The following DNM3 variants were observed in gnomAD, a reference collection of about 807,000 sequenced individuals.
The protein encoded by DNM3 is dynamin 3.
Under a neutral mutation model 101.6 loss-of-function variants are expected in DNM3, and 47 were observed. The ratio of observed to expected loss-of-function variants is 0.46; its 90% CI spans 0.37 to 0.59. DNM3 has a LOEUF of 0.59. DNM3 is among the 20% of genes least tolerant of loss of function. The pLI is 0.00. For synonymous variants in DNM3, 385 were observed against 387.9 expected, an observed-to-expected ratio of 0.99 and a Z score of 0.09; for missense variants, 849 against 1,085.7, an observed-to-expected ratio of 0.78 and a Z score of 3.06.
intron 2 of DNM3, among the ~76,000 whole-genome samples, chr1:171,932,134 C>G (rs1227715874): frequency 1.4e-5 from 2 of 144,012 alleles, no homozygotes; most frequent in African/African-American, 2.6e-5. Context: ...CTCTTTCTCT[C>G]TTTCTTTCCT....
chr1:172,378,360 T>C (rs1331685242), intron 17 of DNM3: 3 of 152,196 alleles, frequency 2.0e-5, no homozygotes, highest in African/African-American at 7.2e-5. Context: ...AGATGTGTTC[T>C]GTTTTATTCA....
intron 14 of DNM3, among the ~76,000 whole-genome samples, chr1:172,158,813 A>G (rs1007448809): frequency 2.0e-5 from 3 of 152,106 alleles, no homozygotes; most frequent in Non-Finnish European, 4.4e-5. Context: ...AGTGTTTACT[A>G]TTAAATAAAA....
At chr1:171,898,699 T>TAC (rs1397573589) in intron 1 of DNM3, among the ~76,000 whole-genome samples, 2 of 79,642 alleles carry the variant, frequency 2.5e-5, no homozygotes, top group African/African-American at 9.3e-5. Flanking sequence ...TATACATATA[T>TAC]ATATATAGAG....
chr1:171,983,203 C>T (rs554737052), intron 2 of DNM3, among the ~76,000 whole-genome samples: 232 of 152,134 alleles, frequency 1.5e-3, no homozygotes, highest in Middle Eastern at 0.01. Context: ...TCCTATAATC[C>T]CAGCACTTTC....
intron 4 of DNM3, among the ~76,000 whole-genome samples, chr1:172,012,223 C>A (rs1390682394): frequency 1.3e-5 from 2 of 152,000 alleles, no homozygotes; most frequent in African/African-American, 4.8e-5. Context: ...ATCCAGAATC[C>A]TTTCATCTTG....
intron 12 of DNM3, among the ~76,000 whole-genome samples, chr1:172,084,121 G>A (rs890385626): frequency 6.6e-6 from 1 of 152,044 alleles, no homozygotes; most frequent in Admixed American, 6.6e-5. Flanking sequence ...ATGAGCTTTG[G>A]GTTTTGGCAA....
intron 14 of DNM3, among the ~76,000 whole-genome samples, chr1:172,200,454 A>G (rs192216387): frequency 6.6e-6 from 1 of 152,236 alleles, no homozygotes; most frequent in Non-Finnish European, 1.5e-5. Flanking sequence ...TGGCCTCTCT[A>G]GCAAGGTTGG....
intron 17 of DNM3, among the ~76,000 whole-genome samples, chr1:172,355,828 G>A (rs2067427677): frequency 6.6e-6 from 1 of 152,090 alleles, no homozygotes; most frequent in Non-Finnish European, 1.5e-5. Context: ...GAGGAGAATA[G>A]GAGAATGACT....
intron 2 of DNM3, among the ~76,000 whole-genome samples, chr1:171,932,192 A>T (rs1571686633): frequency 6.7e-6 from 1 of 149,630 alleles, no homozygotes; most frequent in Non-Finnish European, 1.5e-5. Context: ...CCCAGGCTGG[A>T]GTGCGGTGGC....
intron 17 of DNM3, among the ~76,000 whole-genome samples, chr1:172,375,745 A>G (rs1320280919): frequency 1.3e-5 from 2 of 151,962 alleles, no homozygotes; most frequent in Non-Finnish European, 2.9e-5. Flanking sequence ...GAAAGCTTTT[A>G]AATTAAAATT....
At chr1:172,191,323 T>G (rs1265480862) in intron 14 of DNM3, among the ~76,000 whole-genome samples, 1 of 152,208 alleles carries the variant, frequency 6.6e-6, no homozygotes, top group Non-Finnish European at 1.5e-5. Flanking sequence ...ATCAGATGAT[T>G]GTAGATATGT....
At chr1:172,279,594 C>T (rs2063410916) in intron 15 of DNM3, among the ~76,000 whole-genome samples, 1 of 152,096 alleles carries the variant, frequency 6.6e-6, no homozygotes, top group African/African-American at 2.4e-5. Context: ...TCCTACCAAC[C>T]CCAGCTTAAA....
intron 13 of DNM3, among the ~76,000 whole-genome samples, chr1:172,122,855 G>T (rs1193290835): frequency 6.6e-6 from 1 of 152,128 alleles, no homozygotes; most frequent in Non-Finnish European, 1.5e-5. Context: ...ACATGGATTT[G>T]TCAGTTAAAT....
intron 10 of DNM3, among the ~76,000 whole-genome samples, chr1:172,061,832 AAAACTT>A (rs1184157746): frequency 6.6e-6 from 1 of 152,172 alleles, no homozygotes; most frequent in African/African-American, 2.4e-5. Context: ...CATGTACCCT[AAAACTT>A]AAAGTATAAT....
intron 16 of DNM3, among the ~76,000 whole-genome samples, chr1:172,317,486 C>T (rs1376537508): frequency 6.6e-6 from 1 of 151,880 alleles, no homozygotes; most frequent in Non-Finnish European, 1.5e-5. Context: ...ATTGATAGAC[C>T]ACTAGCAAGA....
At chr1:172,390,657 T>C (rs116002648) in intron 20 of DNM3, among the ~76,000 whole-genome samples, 11 of 152,352 alleles carry the variant, frequency 7.2e-5, no homozygotes, top group African/African-American at 2.6e-4. Flanking sequence ...TTCCCTTCCA[T>C]GTAAAACCAT....
intron 2 of DNM3, among the ~76,000 whole-genome samples, chr1:171,952,113 T>A (rs916347642): frequency 6.6e-6 from 1 of 152,194 alleles, no homozygotes; most frequent in African/African-American, 2.4e-5. Flanking sequence ...GTTATGTAGA[T>A]GAAGCCTCCA....
intron 14 of DNM3, among the ~76,000 whole-genome samples, chr1:172,245,099 C>A (rs891723389): frequency 2.0e-5 from 3 of 152,096 alleles, no homozygotes; most frequent in African/African-American, 4.8e-5. Context: ...GTTCATTCAG[C>A]AAGTGTTTGC....
At chr1:171,867,627 T>C (rs982486861) in intron 1 of DNM3, among the ~76,000 whole-genome samples, 13 of 152,264 alleles carry the variant, frequency 8.5e-5, no homozygotes, top group African/African-American at 3.1e-4. Flanking sequence ...CCTTTGGATC[T>C]ACTTTTATTT....
Sources: gnomAD v4.1 joint callset for allele counts (sites outside exome capture counted in the v4.1 genomes callset) on GRCh38, gnomAD v4.1.1 for gene constraint, MANE v1.5 for transcripts, NCBI Gene and HGNC (gene_info 2026-07-23, HGNC 2026-07-21) for gene names.